SORCS1: variants seen among roughly 807,000 people sequenced by gnomAD.
SORCS1 encodes the protein VPS10 domain-containing receptor SorCS1.
A neutral mutation model predicts 146.1 loss-of-function variants in SORCS1; 60 were observed. The observed-to-expected ratio is 0.41, with a 90% CI of 0.33 to 0.51. The LOEUF is 0.51. Among genes scored for constraint, SORCS1 ranks in the 20% least tolerant of loss-of-function variants. The pLI, the probability that SORCS1 is intolerant of heterozygous loss-of-function variation, is 0.21. For synonymous variants in SORCS1, 637 were observed against 584.0 expected (o/e 1.09, Z -1.31); for missense variants, 1,352 against 1,487.6 (o/e 0.91, Z 1.50).
chr10:106,982,307 T>C (rs1956275102), intron 1 of SORCS1, among the ~76,000 whole-genome samples: 2 of 152,210 alleles, frequency 1.3e-5, no homozygotes, highest in South Asian at 2.1e-4. Flanking sequence ...TATATACATA[T>C]AGCTAAGTAA....
intron 1 of SORCS1, among the ~76,000 whole-genome samples, chr10:107,038,049 C>A (rs1958979795): frequency 6.6e-6 from 1 of 152,314 alleles, no homozygotes; most frequent in Non-Finnish European, 1.5e-5. Context: ...TCTCAAACTC[C>A]TGGCCTCAGG....
At chr10:107,019,758 G>T (rs1337636339) in intron 1 of SORCS1, among the ~76,000 whole-genome samples, 5 of 152,236 alleles carry the variant, frequency 3.3e-5, no homozygotes, top group African/African-American at 9.6e-5. Flanking sequence ...TCTGTCAGAC[G>T]TGCACTTCGT....
upstream of SORCS1, among the ~76,000 whole-genome samples, chr10:107,165,868 T>C (rs562705390): frequency 2.6e-5 from 4 of 152,344 alleles, no homozygotes; most frequent in South Asian, 8.3e-4. The surrounding 1 kb of genome is among the most constrained non-coding windows in gnomAD (Gnocchi z 4.0). Flanking sequence ...AGATGACCTT[T>C]AAAATCCCTT....
At chr10:106,930,354 G>T (rs766621739) in intron 2 of SORCS1, among the ~76,000 whole-genome samples, 1 of 152,018 alleles carries the variant, frequency 6.6e-6, no homozygotes, top group Non-Finnish European at 1.5e-5. Context: ...CACCAGGAAA[G>T]GTCACTCCTA....
At chr10:107,157,239 T>C (rs999364915) in intron 1 of SORCS1, among the ~76,000 whole-genome samples, 2 of 152,268 alleles carry the variant, frequency 1.3e-5, no homozygotes, top group South Asian at 2.1e-4. Flanking sequence ...GTTCTAACTC[T>C]TGCCTGTGAT....
chr10:106,677,856 T>C (rs888432826), intron 12 of SORCS1, among the ~76,000 whole-genome samples: 2 of 152,208 alleles, frequency 1.3e-5, no homozygotes, highest in African/African-American at 4.8e-5. Context: ...CAGTAATGGA[T>C]AGAGCTTGGA....
intron 3 of SORCS1, among the ~76,000 whole-genome samples, chr10:106,812,694 T>C (rs1011810651): frequency 6.6e-6 from 1 of 152,232 alleles, no homozygotes; most frequent in African/African-American, 2.4e-5. Context: ...AAATGCAACA[T>C]ACATGTATGC....
intron 3 of SORCS1, among the ~76,000 whole-genome samples, chr10:106,797,697 A>G (rs568477441): frequency 1.7e-4 from 26 of 152,248 alleles, no homozygotes; most frequent in African/African-American, 5.3e-4. Context: ...CCATGTCTAT[A>G]CCAGCCCCAG....
chr10:106,919,065 G>A (rs1034768860), intron 2 of SORCS1, among the ~76,000 whole-genome samples: 6 of 151,996 alleles, frequency 3.9e-5, no homozygotes, highest in African/African-American at 9.7e-5. Context: ...TTGAAATCCT[G>A]GTCTCAAGTG....
chr10:106,599,046 T>G (rs1037202362), intron 23 of SORCS1, among the ~76,000 whole-genome samples: 4 of 152,206 alleles, frequency 2.6e-5, no homozygotes, highest in African/African-American at 7.2e-5. Context: ...GCTACTTCTT[T>G]TCTTGGGTGC....
intron 1 of SORCS1, among the ~76,000 whole-genome samples, chr10:107,067,471 A>C (rs181104739): frequency 3.3e-5 from 5 of 152,296 alleles, no homozygotes; most frequent in Admixed American, 1.3e-4. Context: ...AAATTAGTTG[A>C]GAACTCCAAA....
At chr10:106,782,437 T>C (rs373474871) in intron 3 of SORCS1, among the ~76,000 whole-genome samples, 3 of 152,286 alleles carry the variant, frequency 2.0e-5, no homozygotes, top group African/African-American at 7.2e-5. Context: ...AAACATTTTT[T>C]TAAGGAGCAT....
chr10:106,573,894 G>A lies in SORCS1; in HGVS notation c.*3526C>T, dbSNP rs996234167. On this transcript the variant is annotated 3_prime_UTR_variant, in exon 26 of 26. Transcript: ENST00000263054. ...TTTAGGATTAAAAAAAAAAATACCTGAGGCAAAGACTTTAGAGACATTATC... is the reference window on the plus strand; with the variant it reads ...TTTAGGATTAAAAAAAAAAATACCTAAGGCAAAGACTTTAGAGACATTATC... 6.6e-6 allele frequency: 1 copy of A among 152,072 alleles called. No homozygotes were observed. The highest frequency in any genetic ancestry group is 1.5e-5 in the Non-Finnish European group (1 of 67,964). The allele number at this position is 152,072 out of a possible 1,614,324, so 9.4% of individuals were successfully genotyped here.
At chr10:106,671,088 G>T in intron 16 of SORCS1, 149 bp downstream of exon 16, 1 of 1,007,124 alleles carries the variant, frequency 9.9e-7, no homozygotes, top group Non-Finnish European at 1.4e-6. Flanking sequence ...CATACACATA[G>T]CTAGTAAACT....
intron 1 of SORCS1, among the ~76,000 whole-genome samples, chr10:107,136,675 GATT>G (rs1485612580): frequency 6.6e-6 from 1 of 152,140 alleles, no homozygotes; most frequent in Non-Finnish European, 1.5e-5. Flanking sequence ...TAACCACATT[GATT>G]ATTAAGTCCA....
At chr10:106,934,616 C>G (rs1420256786) in intron 2 of SORCS1, among the ~76,000 whole-genome samples, 1 of 152,160 alleles carries the variant, frequency 6.6e-6, no homozygotes, top group Non-Finnish European at 1.5e-5. Flanking sequence ...CAGGAACCCA[C>G]TACTAGGTAT....
Position 106,820,851 on chromosome 10 carries a change from G to C in SORCS1, c.726+8723C>G, listed in dbSNP as rs545411564. On this transcript the variant is annotated intron_variant, in intron 3 of 25. Transcript: ENST00000263054. ...CTGGAAGCAAACAGACCAGAATGTT[G>C]AAAAGACCTCTGACCATTTTCCACA... is the stretch of plus-strand genomic sequence containing the variant. Among the ~76,000 whole-genome samples, 7 of 152,262 alleles carry C rather than the reference G, an allele frequency of 4.6e-5. No individual in the cohort carries two copies. The South Asian group carries it at 1.2e-3, about 27-fold the overall frequency.
At chr10:106,667,231 A>C (rs1851230583) in intron 17 of SORCS1, 1 of 156,792 alleles carries the variant, frequency 6.4e-6, no homozygotes, top group Non-Finnish European at 1.4e-5. Flanking sequence ...CATAAAGAGA[A>C]AGCAAAATAC....
At chr10:106,773,904 G>A (rs983528017) in intron 4 of SORCS1, among the ~76,000 whole-genome samples, 1 of 151,900 alleles carries the variant, frequency 6.6e-6, no homozygotes, top group African/African-American at 2.4e-5. Context: ...AGCCCAGATT[G>A]CGCCATTGCA....
Sources: allele counts gnomAD v4.1 joint callset (sites outside exome capture counted in the v4.1 genomes callset), GRCh38; gene constraint gnomAD v4.1.1; non-coding constraint Gnocchi (gnomAD v3.1); transcripts MANE v1.5; gene names NCBI Gene and HGNC (gene_info 2026-07-23, HGNC 2026-07-21).